The following CSMD1 variants were observed in gnomAD, a reference collection of about 807,000 sequenced individuals.
The protein encoded by CSMD1 is CUB and sushi domain-containing protein 1.
In CSMD1, 213 loss-of-function variants were observed where a neutral mutation model predicts 417.5. That is an observed-to-expected ratio of 0.51 (90% CI 0.46 to 0.57). CSMD1 has a LOEUF of 0.57. Ranked by LOEUF, CSMD1 falls within the 20% of genes least tolerant of loss-of-function variation. CSMD1 has a pLI of 0.00. For synonymous variants in CSMD1, 2,862 were observed against 1,736.8 expected (o/e 1.65, Z -16.11); for missense variants, 6,923 against 4,529.7 (o/e 1.53, Z -15.17).
At chr8:3,329,596 A>G (rs1272191184) in intron 23 of CSMD1, among the ~76,000 whole-genome samples, 1 of 152,178 alleles carries the variant, frequency 6.6e-6, no homozygotes, top group Non-Finnish European at 1.5e-5. Flanking sequence ...CTCATGTACC[A>G]TGAGTGCGTC....
In CSMD1 at chr8:4,513,859, C is replaced by T. The variant is rs538009807; in HGVS notation, c.303-93794G>A. On this transcript the variant is annotated intron_variant, in intron 2 of 69. Coordinates refer to ENST00000635120, the MANE Select transcript of CSMD1 (RefSeq NM_033225.6). ...CTCTGACAACCATAAAATTATTTTC[C>T]TCTCTAGGTCTGATTTTTGTGATCA... is the stretch of plus-strand genomic sequence containing the variant. Among the ~76,000 whole-genome samples, 3 of 152,182 alleles carry T rather than the reference C, an allele frequency of 2.0e-5. No individual in the cohort carries two copies. The South Asian group carries it at 6.2e-4, about 32-fold the overall frequency.
chr8:4,935,177 G>T (rs1807522433), intron 1 of CSMD1, among the ~76,000 whole-genome samples: 1 of 152,268 alleles, frequency 6.6e-6, no homozygotes, highest in East Asian at 1.9e-4. Context: ...TCCCCAGATG[G>T]GCCATGCTGT....
chr8:4,623,575 G>C (rs776450838), intron 2 of CSMD1, among the ~76,000 whole-genome samples: 37 of 151,924 alleles, frequency 2.4e-4, no homozygotes, highest in Non-Finnish European at 4.6e-4. Flanking sequence ...AGGGGGGTGA[G>C]GGGGGAACAA....
In CSMD1 at chr8:3,437,638, G is replaced by T. The variant is rs530285215; in HGVS notation, c.1562-28033C>A. On this transcript the variant is annotated intron_variant, in intron 12 of 69. Coordinates refer to ENST00000635120, the MANE Select transcript of CSMD1 (RefSeq NM_033225.6). ...TCTCTTCTTTACATAGAAGATGGTT[G>T]TGATTATAATTTATTATTAACATTA... 2.0e-5 allele frequency among the ~76,000 whole-genome samples: 3 copies of T among 152,266 alleles called. No homozygotes were observed. The South Asian group carries it at 6.2e-4, about 32-fold the overall frequency.
intron 7 of CSMD1, among the ~76,000 whole-genome samples, chr8:3,700,956 G>A (rs1329667026): frequency 4.6e-5 from 7 of 151,958 alleles, no homozygotes; most frequent in Non-Finnish European, 1.0e-4. Flanking sequence ...GCAGGGAGAG[G>A]CTGAGGATGA....
chr8:4,332,746 A>G (rs186989489), intron 3 of CSMD1, among the ~76,000 whole-genome samples: 2 of 152,170 alleles, frequency 1.3e-5, no homozygotes, highest in African/African-American at 4.8e-5. Context: ...CCATTCTTAG[A>G]CACATATGTA....
At position 4,593,902 on chromosome 8, in the gene CSMD1, T is replaced by C. The variant is rs1013895937; in HGVS notation, c.302+43440A>G. 2.0e-5 allele frequency among the ~76,000 whole-genome samples: 3 copies of C among 152,290 alleles called. No individual in the cohort carries two copies. In the East Asian group the frequency reaches 5.8e-4, roughly 29 times the overall value. On this transcript the variant is annotated intron_variant, in intron 2 of 69. Coordinates refer to ENST00000635120, the MANE Select transcript of CSMD1 (RefSeq NM_033225.6). ...CTTAAAGCAACAGGAATTTATTGTC[T>C]CACAGTTTTGAGGGCCAGGAGTCTG...
At chr8:3,268,163 G>A (rs978549880) in intron 26 of CSMD1, among the ~76,000 whole-genome samples, 1 of 151,974 alleles carries the variant, frequency 6.6e-6, no homozygotes, top group Non-Finnish European at 1.5e-5. Context: ...ATGAATGAAT[G>A]AATGAATGAG....
chr8:3,363,077 G>T (rs2117732894), intron 20 of CSMD1, among the ~76,000 whole-genome samples: 1 of 152,234 alleles, frequency 6.6e-6, no homozygotes. Flanking sequence ...CAGGGGTCTG[G>T]CCACAGTGCC....
intron 7 of CSMD1, among the ~76,000 whole-genome samples, chr8:3,627,854 C>T (rs940832719): frequency 6.6e-6 from 1 of 152,126 alleles, no homozygotes; most frequent in Non-Finnish European, 1.5e-5. Flanking sequence ...CCACATTGTT[C>T]TTTGTACATT....
chr8:4,118,304 G>A (rs368353616), intron 3 of CSMD1, among the ~76,000 whole-genome samples: 2 of 151,822 alleles, frequency 1.3e-5, no homozygotes, highest in South Asian at 2.1e-4. Flanking sequence ...GACCTGTATG[G>A]ATGTTTACTG....
chr8:3,557,762 C>T (rs1037187280), intron 10 of CSMD1, among the ~76,000 whole-genome samples: 1 of 152,152 alleles, frequency 6.6e-6, no homozygotes, highest in African/African-American at 2.4e-5. Flanking sequence ...GTAGGTGACA[C>T]AGGTTTTGGT....
chr8:4,968,451 T>C (rs1316862033), intron 1 of CSMD1, among the ~76,000 whole-genome samples: 2 of 152,078 alleles, frequency 1.3e-5, no homozygotes, highest in Non-Finnish European at 2.9e-5. Context: ...ATAGAGCCAT[T>C]TAACTGCAAA....
chr8:4,804,236 C>T (rs115574148), intron 1 of CSMD1, among the ~76,000 whole-genome samples: 1,707 of 152,206 alleles, frequency 0.011, 29 homozygotes, highest in African/African-American at 0.038. Flanking sequence ...TTAAAATACA[C>T]CTTCTAAAGC....
intron 8 of CSMD1, among the ~76,000 whole-genome samples, chr8:3,613,950 C>T (rs1297369213): frequency 2.0e-5 from 3 of 151,574 alleles, no homozygotes; most frequent in Non-Finnish European, 2.9e-5. Flanking sequence ...AAAAAAAATC[C>T]GATTGGAAAG....
intron 1 of CSMD1, among the ~76,000 whole-genome samples, chr8:4,763,879 G>T (rs1812277408): frequency 6.6e-6 from 1 of 152,168 alleles, no homozygotes; most frequent in Non-Finnish European, 1.5e-5. Context: ...TAAAATACAT[G>T]ATTAAGCCAC....
intron 1 of CSMD1, among the ~76,000 whole-genome samples, chr8:4,923,738 A>G (rs1806658238): frequency 6.6e-6 from 1 of 152,116 alleles, no homozygotes; most frequent in Admixed American, 6.6e-5. Flanking sequence ...GAAATTTACC[A>G]AGGAACCTTG....
At chr8:3,349,751 TAG>T (rs1808267832) in intron 21 of CSMD1, among the ~76,000 whole-genome samples, 2 of 143,652 alleles carry the variant, frequency 1.4e-5, no homozygotes, top group African/African-American at 5.4e-5. Flanking sequence ...ATACTTTATA[TAG>T]TTATAGCTAT....
intron 1 of CSMD1, among the ~76,000 whole-genome samples, chr8:4,746,765 C>T (rs570886749): frequency 6.6e-6 from 1 of 152,126 alleles, no homozygotes; most frequent in Non-Finnish European, 1.5e-5. Context: ...ACTACAGCAG[C>T]GAGGTCATTC....
Sources: allele counts gnomAD v4.1 joint callset (sites outside exome capture counted in the v4.1 genomes callset), GRCh38; gene constraint gnomAD v4.1.1; transcripts MANE v1.5; gene names NCBI Gene and HGNC (gene_info 2026-07-23, HGNC 2026-07-21).